YLPM1: variants seen among roughly 807,000 people sequenced by gnomAD.
The protein encoded by YLPM1 is YLP motif-containing protein 1.
In YLPM1, 99 loss-of-function variants were observed where a neutral mutation model predicts 230.0. The observed-to-expected ratio is 0.43, with a 90% CI of 0.37 to 0.51. The LOEUF (loss-of-function observed/expected upper bound fraction) is 0.51, where lower values mean the gene tolerates loss of function less well. Ranked by LOEUF, YLPM1 falls within the 20% of genes least tolerant of loss-of-function variation. The pLI, the probability that YLPM1 is intolerant of heterozygous loss-of-function variation, is 0.00. For missense variants in YLPM1, 2,592 were observed against 2,707.7 expected (o/e 0.96, Z 0.95); for synonymous variants, 984 against 942.5 (o/e 1.04, Z -0.81).
rs774063084 is a variant in YLPM1, at chr14:74,829,340, G to A, written c.6291G>A (p.Lys2097=). 1.9e-6 allele frequency: 3 copies of A among 1,612,888 alleles called. No individual in the cohort carries two copies. In the Admixed American group the frequency reaches 5.0e-5, roughly 27 times the overall value. Residue 2097 remains lysine (K), a synonymous_variant, in exon 19 of 21, where the codon AAG becomes AAA. Transcript: ENST00000325680. ...YDTRASEPGK[K]RVRWADLEEK... is the part of the protein sequence containing the mutation. ...CTCGTGCTTCTGAGCCTGGGAAGAA[G>A]AGGGTAAGAGACTTTGTCAATAACT...
At chr14:74,807,333 G>A (rs1265990932) in intron 6 of YLPM1, among the ~76,000 whole-genome samples, 1 of 151,970 alleles carries the variant, frequency 6.6e-6, no homozygotes, top group Non-Finnish European at 1.5e-5. Flanking sequence ...AACCAAACCA[G>A]CCAGACACAG....
In YLPM1 at chr14:74,812,769, G is replaced by T. The variant is rs1196134397; in HGVS notation, c.5489G>T (p.Ser1830Ile). The change falls in exon 11 of 21, where the codon AGC becomes ATC. Residue 1830 changes from serine to isoleucine, a missense_variant. Ser to Ile is a moderately radical substitution (Grantham distance 142). Around this residue, in one of 4 missense-constraint regions of YLPM1, gnomAD observed 315 missense variants for 429.3 expected, o/e 0.73. Transcript: ENST00000325680. ...DDILKPPGRESRPERIVVIMR... is the reference protein window; with the variant it reads ...DDILKPPGREIRPERIVVIMR... The stretch of plus-strand genomic sequence containing the variant: ...ATTTTGAAACCACCGGGCCGGGAGA[G>T]CAGACCTGAGAGAGTGAGTCCTATG... 6.2e-7 allele frequency: 1 copy of T among 1,613,444 alleles called. No individual in the cohort carries two copies.
At chr14:74,813,144 G>A (rs1462341386) in intron 11 of YLPM1, among the ~76,000 whole-genome samples, 1 of 152,196 alleles carries the variant, frequency 6.6e-6, no homozygotes, top group East Asian at 1.9e-4. Flanking sequence ...CTCCAAATGT[G>A]CGCATTCTAT....
chr14:74,798,351 A>G lies in YLPM1; in HGVS notation c.3054A>G (p.Ser1018=). 1 of 1,614,038 alleles carries G rather than the reference A, an allele frequency of 6.2e-7. No homozygotes were observed. Among genetic ancestry groups the G allele is most frequent in the South Asian group, 1.1e-5 (1 of 91,078 alleles). ...NRLEGNRGNS[S]SYRGPGQSRM... is the part of the protein sequence containing the mutation. ...TAGAAGGCAATAGAGGCAACAGCTC[A>G]TCTTACAGAGGTCCTGGGCAAAGCA... Residue 1018 remains serine, a synonymous_variant, in exon 5 of 21, where the codon TCA becomes TCG. Transcript: ENST00000325680.
Position 74,809,774 on chromosome 14 carries a change from CTG to C in YLPM1, c.4918_4919del (p.Val1640Ter). 6.2e-7 allele frequency: 1 copy of C among 1,613,994 alleles called. No individual in the cohort carries two copies. Among genetic ancestry groups the C allele is most frequent in the Non-Finnish European group, 8.5e-7 (1 of 1,179,882 alleles). On this transcript the variant is annotated frameshift_variant, in exon 7 of 21. Transcript: ENST00000325680. LOFTEE classifies it high-confidence loss of function. The stretch of plus-strand genomic sequence containing the variant: ...TCCAAGCCACCACCAGTACAACAGA[CTG>C]TTGATTATGGCCATGGCCGAGGTGA...
intron 6 of YLPM1, among the ~76,000 whole-genome samples, chr14:74,804,143 G>A (rs2091355071): frequency 2.0e-5 from 3 of 152,192 alleles, no homozygotes; most frequent in South Asian, 2.1e-4. Context: ...GGCAACGGGC[G>A]AAACTCCATC....
At chr14:74,812,084 A>G (rs1424995191) in intron 10 of YLPM1, among the ~76,000 whole-genome samples, 2 of 152,150 alleles carry the variant, frequency 1.3e-5, no homozygotes, top group Admixed American at 6.5e-5. Context: ...TTGATATTGC[A>G]CCATACACAT....
chr14:74,799,641 C>T lies in YLPM1; in HGVS notation c.4344C>T (p.Leu1448=), dbSNP rs765754013. ...AAGGCCTTGGAGGGGTAATGGTTCT[C>T]AGTCAGAGGCAGCATGAAATCATTT... is the stretch of plus-strand genomic sequence containing the variant. ...SDQGLGGVMV[L]SQRQHEIILK... Residue 1448 remains leucine, a synonymous_variant, in exon 5 of 21, where the codon CTC becomes CTT. Coordinates refer to ENST00000325680, the MANE Select transcript of YLPM1 (RefSeq NM_019589.3). The T allele has an allele frequency of 1.5e-5, 24 of 1,613,208 alleles. No homozygotes were observed. The highest frequency in any genetic ancestry group is 1.9e-5 in the Non-Finnish European group (22 of 1,179,402).
At chr14:74,775,580 C>T (rs2140080166) in intron 1 of YLPM1, among the ~76,000 whole-genome samples, 1 of 152,014 alleles carries the variant, frequency 6.6e-6, no homozygotes, top group South Asian at 2.1e-4. Context: ...TGATTGGGAC[C>T]CAGTCTGGAA....
intron 1 of YLPM1, among the ~76,000 whole-genome samples, chr14:74,767,248 A>G (rs1397928582): frequency 2.0e-5 from 3 of 152,336 alleles, no homozygotes; most frequent in East Asian, 3.9e-4. Context: ...GGTATCATCT[A>G]ATACCTGATC....
rs191824890 is a variant in YLPM1 at position 74,809,374 on chromosome 14, C to T, written c.4522-6C>T. ...TGTCCACTAAGCTATTTATTCTGTT[C>T]TCTAGCCTCCAGGGTCGTATAGACC... On this transcript the variant is annotated splice_polypyrimidine_tract_variant and splice_region_variant and intron_variant, in intron 6 of 20. Coordinates refer to ENST00000325680, the MANE Select transcript of YLPM1 (RefSeq NM_019589.3). 3 of 1,602,100 alleles carry T rather than the reference C, an allele frequency of 1.9e-6. No homozygotes were observed. Among genetic ancestry groups the T allele is most frequent in the East Asian group, 2.2e-5 (1 of 44,738 alleles).
intron 1 of YLPM1, among the ~76,000 whole-genome samples, chr14:74,766,384 T>G (rs779043192): frequency 6.6e-6 from 1 of 152,188 alleles, no homozygotes; most frequent in Non-Finnish European, 1.5e-5. Context: ...ATACACAAAA[T>G]AGAGAAAAAA....
At chr14:74,796,382 C>T (rs2091261403) in intron 4 of YLPM1, among the ~76,000 whole-genome samples, 1 of 152,202 alleles carries the variant, frequency 6.6e-6, no homozygotes, top group South Asian at 2.1e-4. Context: ...GCTTCCTTAG[C>T]TTGAGGTGCC....
Position 74,781,344 on chromosome 14 carries a change from T to C in YLPM1, c.1301T>C (p.Val434Ala). 1 of 1,562,362 alleles carries C rather than the reference T, an allele frequency of 6.4e-7. No individual in the cohort carries two copies. ...QPPPHIQTMSVDMQLRHYEMQ... is the reference protein window; with the variant it reads ...QPPPHIQTMSADMQLRHYEMQ... Reference sequence around the variant, plus strand: ...TCCCTTTATTTGTAGACCATGTCTGTAGATATGCAGCTGCGGCATTATGAG... The same window carrying C: ...TCCCTTTATTTGTAGACCATGTCTGCAGATATGCAGCTGCGGCATTATGAG... The change falls in exon 4 of 21, where the codon GTA (valine) becomes GCA (alanine). Residue 434 changes from valine (V) to alanine (A), a missense_variant. Around this residue, in one of 4 missense-constraint regions of YLPM1, gnomAD observed 1,862 missense variants for 1,819.8 expected, o/e 1.02. Coordinates refer to ENST00000325680, the MANE Select transcript of YLPM1 (RefSeq NM_019589.3).
chr14:74,768,009 A>G (rs1434721857), intron 1 of YLPM1, among the ~76,000 whole-genome samples: 5 of 152,094 alleles, frequency 3.3e-5, no homozygotes, highest in Admixed American at 6.6e-5. Context: ...TGGTTCATCA[A>G]TTGAAGAAAG....
At chr14:74,780,353 T>C in intron 2 of YLPM1, 52 bp from the exon 3 acceptor site, 1 of 1,546,204 alleles carries the variant, frequency 6.5e-7, no homozygotes, top group South Asian at 1.3e-5. Context: ...ATAAAATATT[T>C]TTGCTTGCTG....
rs558883318 is a variant in YLPM1 at position 74,776,353 on chromosome 14, C to A, written c.874-2094C>A. Among the ~76,000 whole-genome samples the A allele has an allele frequency of 1.3e-4, 20 of 152,270 alleles. No individual in the cohort carries two copies. In the South Asian group the frequency reaches 4.1e-3, roughly 32 times the overall value. ...CACATAGCCTTGTTTATGTGTGTTT[C>A]TGTTTAAAGAACCTTATTTAGTACA... On this transcript the variant is annotated intron_variant, in intron 1 of 20. Coordinates refer to ENST00000325680, the MANE Select transcript of YLPM1 (RefSeq NM_019589.3).
At chr14:74,786,115 A>T in intron 4 of YLPM1, among the ~76,000 whole-genome samples, 1 of 152,060 alleles carries the variant, frequency 6.6e-6, no homozygotes, top group South Asian at 2.1e-4. Context: ...TAATCCCAGC[A>T]CTTTGGGAGG....
chr14:74,791,071 A>G (rs2091201906), intron 4 of YLPM1, among the ~76,000 whole-genome samples: 1 of 152,158 alleles, frequency 6.6e-6, no homozygotes, highest in Non-Finnish European at 1.5e-5. Flanking sequence ...GTGAATCCGC[A>G]TCTCTACCAA....
Sources: gnomAD v4.1 joint callset for allele counts (sites outside exome capture counted in the v4.1 genomes callset) on GRCh38, gnomAD v4.1.1 for gene constraint, gnomAD v4.1.1 regional missense constraint, MANE v1.5 for transcripts, NCBI Gene and HGNC (gene_info 2026-07-23, HGNC 2026-07-21) for gene names.